The following TBPL2 variants were observed in gnomAD, a reference collection of about 807,000 sequenced individuals.
TBPL2 encodes the protein TATA-box binding protein like 2.
Under a neutral mutation model 38.2 loss-of-function variants are expected in TBPL2, and 40 were observed. That is an observed-to-expected ratio of 1.05 (90% confidence interval 0.81 to 1.36). The LOEUF is 1.36. Among genes scored for constraint, TBPL2 ranks in the 40% most tolerant of loss-of-function variants. The pLI is 0.00. For synonymous variants in TBPL2, 169 were observed against 171.7 expected, an observed-to-expected ratio of 0.98 and a Z score of 0.12; for missense variants, 461 against 456.7, an observed-to-expected ratio of 1.01 and a Z score of -0.09.
chr14:55,425,914 G>A (rs77459788), intron 5 of TBPL2, among the ~76,000 whole-genome samples: 4,522 of 152,260 alleles, frequency 0.03, 229 homozygotes, highest in African/African-American at 0.1. Flanking sequence ...CTGCTACATG[G>A]TAGTCACCTA....
At chr14:55,422,569 A>G (rs886514515) in intron 6 of TBPL2, among the ~76,000 whole-genome samples, 1 of 152,126 alleles carries the variant, frequency 6.6e-6, no homozygotes, top group Non-Finnish European at 1.5e-5. Flanking sequence ...AACTTTCTGT[A>G]GGTGGGGCAC....
intron 6 of TBPL2, among the ~76,000 whole-genome samples, chr14:55,416,685 T>TG (rs1443843288): frequency 1.3e-5 from 2 of 152,186 alleles, no homozygotes; most frequent in Non-Finnish European, 2.9e-5. Flanking sequence ...AGTGAGTTGG[T>TG]GAAGAAGCAA....
chr14:55,417,571 T>C (rs1237293776), intron 6 of TBPL2, among the ~76,000 whole-genome samples: 2 of 151,754 alleles, frequency 1.3e-5, no homozygotes, highest in Non-Finnish European at 2.9e-5. Context: ...GTGATTCTCA[T>C]GCCTCAGCCT....
chr14:55,420,367 T>C (rs1885724117), intron 6 of TBPL2, among the ~76,000 whole-genome samples: 3 of 152,174 alleles, frequency 2.0e-5, no homozygotes, highest in Non-Finnish European at 4.4e-5. Context: ...TTTAATCCAT[T>C]TGCGGGTGAA....
chr14:55,438,645 AAGG>A (rs1886054540), intron 1 of TBPL2: 1 of 152,248 alleles, frequency 6.6e-6, no homozygotes, highest in African/African-American at 2.4e-5. Flanking sequence ...CGAGGATTTG[AAGG>A]AGGATGTTTT....
At position 55,439,063 on chromosome 14, in the gene TBPL2, G is replaced by A. The variant is rs966018130; in HGVS notation, c.150+1333C>T. On this transcript the variant is annotated intron_variant, in intron 1 of 6. Coordinates refer to ENST00000247219, the Ensembl canonical transcript of TBPL2. ...AGCAATTCTCCTGCCTCAGCCTCCC[G>A]AGTAGCTGGGACTACAGGCTCCTGC... Among the ~76,000 whole-genome samples, 4 of 151,448 alleles carry A rather than the reference G, an allele frequency of 2.6e-5. No individual in the cohort carries two copies. In the South Asian group the frequency reaches 6.3e-4, roughly 24 times the overall value.
intron 1 of TBPL2, among the ~76,000 whole-genome samples, chr14:55,439,525 C>T (rs1309109249): frequency 2.7e-5 from 4 of 150,630 alleles, no homozygotes; most frequent in African/African-American, 7.3e-5. Flanking sequence ...AGTGGTGGCT[C>T]ACGCCTGAAA....
At position 55,435,845 on chromosome 14, in the gene TBPL2, A is replaced by G; in HGVS notation, c.696+2T>C. The G allele has an allele frequency of 6.4e-7, 1 of 1,552,130 alleles. No homozygotes were observed. The highest frequency in any genetic ancestry group is 8.7e-7 in the Non-Finnish European group (1 of 1,154,574). On this transcript the variant is annotated splice_donor_variant, in intron 3 of 6. Transcript: ENST00000247219. LOFTEE classifies it high-confidence loss of function. ...ATTGGAAGGAATACTGAGAAATGTTACCTTTGGGTTATATTCTGCATTTTT... is the reference window on the plus strand; with the variant it reads ...ATTGGAAGGAATACTGAGAAATGTTGCCTTTGGGTTATATTCTGCATTTTT...
At chr14:55,423,007 A>G (rs74053913) in intron 6 of TBPL2, among the ~76,000 whole-genome samples, 1,816 of 152,364 alleles carry the variant, frequency 0.012, 34 homozygotes, top group African/African-American at 0.042. Flanking sequence ...AATAACAAAT[A>G]TAGCAAAGAA....
At position 55,437,429 on chromosome 14, in the gene TBPL2, G is replaced by T. The variant is rs1886034811; in HGVS notation, c.151-411C>A. ...GGAGGCAGAGGTTGCAGTGAGTCGA[G>T]ATCATGCTACTGCACTCCAGCCTGG... On this transcript the variant is annotated intron_variant, in intron 1 of 6. Coordinates refer to ENST00000247219, the Ensembl canonical transcript of TBPL2. Among the ~76,000 whole-genome samples the T allele has an allele frequency of 2.0e-5, 3 of 152,256 alleles. No homozygotes were observed. The South Asian group carries it at 6.2e-4, about 31-fold the overall frequency.
At chr14:55,436,624 G>A in exon 2 of TBPL2, 1 of 1,614,214 alleles carries the variant, frequency 6.2e-7, no homozygotes, top group Non-Finnish European at 8.5e-7. Flanking sequence ...GGGAGTTATG[G>A]ATGCCAGAGA....
intron 1 of TBPL2, among the ~76,000 whole-genome samples, chr14:55,439,365 G>A (rs1384099392): frequency 4.0e-5 from 6 of 151,416 alleles, no homozygotes; most frequent in Admixed American, 3.3e-4. Context: ...TTGACTTCTA[G>A]AGGGAGGCCT....
chr14:55,426,960 G>A (rs543885163), intron 5 of TBPL2, among the ~76,000 whole-genome samples: 1 of 152,130 alleles, frequency 6.6e-6, no homozygotes, highest in Non-Finnish European at 1.5e-5. Flanking sequence ...TCATTTTCGA[G>A]CCCTGAATGG....
intron 1 of TBPL2, among the ~76,000 whole-genome samples, chr14:55,437,864 T>G (rs1407119041): frequency 6.6e-6 from 1 of 152,224 alleles, no homozygotes; most frequent in Non-Finnish European, 1.5e-5. Flanking sequence ...TGTAATGTTC[T>G]AGTTAGAAGA....
intron 5 of TBPL2, among the ~76,000 whole-genome samples, chr14:55,428,041 ATCT>A (rs1885856667): frequency 7.6e-6 from 1 of 130,940 alleles, no homozygotes; most frequent in Non-Finnish European, 1.6e-5. Context: ...TTCTTTTTTC[ATCT>A]TCTCCCCAAT....
intron 6 of TBPL2, among the ~76,000 whole-genome samples, chr14:55,416,817 A>C (rs1190543720): frequency 5.3e-5 from 8 of 152,218 alleles, no homozygotes; most frequent in Admixed American, 5.2e-4. Flanking sequence ...CCTCTCCCAA[A>C]ATCCCCAAAA....
At chr14:55,428,737 A>T in intron 5 of TBPL2, 70 bp downstream of exon 5, 1 of 1,465,278 alleles carries the variant, frequency 6.8e-7, no homozygotes, top group Non-Finnish European at 9.2e-7. Context: ...AAGATACTTT[A>T]CGTAAGCAAC....
chr14:55,436,825 A>T, exon 2 of TBPL2: 1 of 1,614,252 alleles, frequency 6.2e-7, no homozygotes, highest in Non-Finnish European at 8.5e-7. Context: ...TTTGCTAATG[A>T]CAGGCTGGTC....
intron 6 of TBPL2, among the ~76,000 whole-genome samples, chr14:55,415,138 G>A (rs1334493728): frequency 6.6e-6 from 1 of 152,110 alleles, no homozygotes; most frequent in Non-Finnish European, 1.5e-5. Flanking sequence ...TCCAAATTAT[G>A]CAGGCACGTT....
Sources: allele counts gnomAD v4.1 joint callset (sites outside exome capture counted in the v4.1 genomes callset), GRCh38; gene constraint gnomAD v4.1.1; transcripts MANE v1.5; gene names NCBI Gene and HGNC (gene_info 2026-07-23, HGNC 2026-07-21).